Variants in ITGA11 observed in about 807,000 individuals in gnomAD.
ITGA11 encodes the protein integrin alpha-11.
ITGA11 carries 97 observed loss-of-function variants against 141.9 expected under a neutral mutation model. The observed-to-expected ratio is 0.68, with a 90% CI of 0.58 to 0.81. ITGA11 has a LOEUF of 0.81. Ranked by LOEUF, ITGA11 falls within the 30% of genes least tolerant of loss-of-function variation. The pLI is 0.00. For synonymous variants in ITGA11, 658 were observed against 624.6 expected (o/e 1.05, Z -0.80); for missense variants, 1,387 against 1,559.2 (o/e 0.89, Z 1.86).
chr15:68,376,809 C>T (rs1314415448), intron 2 of ITGA11, among the ~76,000 whole-genome samples: 3 of 152,238 alleles, frequency 2.0e-5, no homozygotes, highest in African/African-American at 7.2e-5. Context: ...GTGGTTTCCA[C>T]ACTTGCTGGT....
At chr15:68,418,898 T>C (rs559421159) in intron 1 of ITGA11, among the ~76,000 whole-genome samples, 58 of 151,850 alleles carry the variant, frequency 3.8e-4, no homozygotes, top group African/African-American at 1.4e-3. Flanking sequence ...TTGGGCAAAA[T>C]AAGAGCAAGA....
chr15:68,314,359 A>T (rs892010279), intron 22 of ITGA11, among the ~76,000 whole-genome samples: 1 of 152,176 alleles, frequency 6.6e-6, no homozygotes, highest in African/African-American at 2.4e-5. Context: ...CTCTGCTGCC[A>T]CAAGAAGGCT....
rs147717589 is a variant in ITGA11 at position 68,320,067 on chromosome 15, G to A, written c.2616+118C>T. ...AGCCTCCCAAAGTGCTAGGATTACA[G>A]GCATGAGCCACTGCATCCAGCTTTC... is the stretch of plus-strand genomic sequence containing the variant. On this transcript the variant is annotated intron_variant, in intron 20 of 29. Transcript: ENST00000315757. 40 of 851,618 alleles carry A rather than the reference G, an allele frequency of 4.7e-5. No homozygotes were observed. In the African/African-American group the frequency reaches 6.5e-4, roughly 14 times the overall value. 52.8% of individuals were successfully genotyped at this position (851,618 alleles called of 1,614,324 possible). A position where few individuals can be genotyped will look rare whatever the true frequency, so the allele number is the denominator to read the frequency against.
rs564141621 is a variant in ITGA11, at chr15:68,362,430, A to T, written c.358-726T>A. Among the ~76,000 whole-genome samples the T allele has an allele frequency of 9.2e-5, 14 of 152,290 alleles. No individual in the cohort carries two copies. The South Asian group carries it at 2.7e-3, about 29-fold the overall frequency. On this transcript the variant is annotated intron_variant, in intron 4 of 29. Coordinates refer to ENST00000315757, the MANE Select transcript of ITGA11 (RefSeq NM_001004439.2). Reference sequence around the variant, plus strand: ...CCTTTCTTTAATTACTTTCTTTTTAAGCTCAGATCTTAAAGGTTATGTTTT... The same window carrying T: ...CCTTTCTTTAATTACTTTCTTTTTATGCTCAGATCTTAAAGGTTATGTTTT...
chr15:68,312,890 G>A (rs768675366), intron 23 of ITGA11, 27 bp from the exon 24 acceptor site: 27 of 1,530,210 alleles, frequency 1.8e-5, no homozygotes, highest in South Asian at 1.1e-4. Context: ...CAGGGCTGTC[G>A]TGAGCTCAGT....
intron 10 of ITGA11, among the ~76,000 whole-genome samples, chr15:68,343,048 G>C (rs1894624849): frequency 6.9e-6 from 1 of 144,280 alleles, no homozygotes; most frequent in Admixed American, 6.8e-5. Flanking sequence ...TCTGAACCTT[G>C]AGTTCCTCAG....
At chr15:68,319,679 A>G (rs1893723977) in intron 20 of ITGA11, among the ~76,000 whole-genome samples, 1 of 152,198 alleles carries the variant, frequency 6.6e-6, no homozygotes, top group South Asian at 2.1e-4. Flanking sequence ...TGTTGGTAGA[A>G]CGTGTGGATG....
At position 68,306,309 on chromosome 15, in the gene ITGA11, TTC is replaced by T. The variant is rs151071516; in HGVS notation, c.3381+1037_3381+1038del. ...ACAAGCATCAATGTGAGAAGAAGGG[TTC>T]TCTCTCTCTCTCTCTGTGTGTGTGA... is the stretch of plus-strand genomic sequence containing the variant. On this transcript the variant is annotated intron_variant, in intron 28 of 29. Coordinates refer to ENST00000315757, the MANE Select transcript of ITGA11 (RefSeq NM_001004439.2). Among the ~76,000 whole-genome samples, 228 of 132,692 alleles carry T rather than the reference TTC, an allele frequency of 1.7e-3. 1 individual carries two copies. The highest frequency in any genetic ancestry group is 4.2e-3 in the East Asian group (21 of 5,040). 87.1% of individuals were successfully genotyped at this position (132,692 alleles called of 152,430 possible).
chr15:68,350,796 G>A lies in ITGA11; in HGVS notation c.895-14C>T. On this transcript the variant is annotated splice_polypyrimidine_tract_variant and intron_variant, in intron 8 of 29. Transcript: ENST00000315757. ...GTAGCCCAGGACCTGCCAGGGAACA[G>A]GGGCAGGAACCACAAACCAGAACAT... The A allele has an allele frequency of 6.2e-7, 1 of 1,607,258 alleles. No homozygotes were observed. The highest frequency in any genetic ancestry group is 8.5e-7 in the Non-Finnish European group (1 of 1,176,404).
At chr15:68,393,454 G>A (rs778546084) in intron 2 of ITGA11, among the ~76,000 whole-genome samples, 10 of 151,958 alleles carry the variant, frequency 6.6e-5, no homozygotes, top group Admixed American at 1.3e-4. Context: ...GACATTAAAG[G>A]CAAATAAGAA....
At chr15:68,409,582 G>A (rs545710772) in intron 1 of ITGA11, among the ~76,000 whole-genome samples, 78 of 151,492 alleles carry the variant, frequency 5.1e-4, no homozygotes, top group African/African-American at 1.8e-3. Flanking sequence ...TACCTGATTA[G>A]GTAGGTACTG....
At chr15:68,422,607 C>G (rs1897045825) in intron 1 of ITGA11, among the ~76,000 whole-genome samples, 1 of 152,086 alleles carries the variant, frequency 6.6e-6, no homozygotes, top group South Asian at 2.1e-4. Flanking sequence ...CCTCAAAAAC[C>G]TTCCATGGCT....
chr15:68,406,201 C>A (rs1357666329), intron 1 of ITGA11, among the ~76,000 whole-genome samples: 1 of 152,168 alleles, frequency 6.6e-6, no homozygotes, highest in African/African-American at 2.4e-5. Flanking sequence ...GCCAGAGGGA[C>A]CCTTCCAAGA....
rs112376069 is a variant in ITGA11 at position 68,378,409 on chromosome 15, G to C, written c.165-9125C>G. 9.2e-3 allele frequency among the ~76,000 whole-genome samples: 1,398 copies of C among 152,298 alleles called. 29 individuals are homozygous for C. Among genetic ancestry groups the C allele is most frequent in the African/African-American group, 0.03 (1,258 of 41,544 alleles). On this transcript the variant is annotated intron_variant, in intron 2 of 29. Transcript: ENST00000315757. ...TCTATAATCCCAGCTACTAGGGAAG[G>C]TGAGGCAGGAGCATCAATTGAGACC... is the stretch of plus-strand genomic sequence containing the variant.
chr15:68,407,374 C>G (rs901085081), intron 1 of ITGA11, among the ~76,000 whole-genome samples: 1 of 152,192 alleles, frequency 6.6e-6, no homozygotes, highest in Non-Finnish European at 1.5e-5. Flanking sequence ...CTGACCAAAC[C>G]GAACCAACCA....
chr15:68,411,578 C>T (rs947645529), intron 1 of ITGA11, among the ~76,000 whole-genome samples: 16 of 152,296 alleles, frequency 1.1e-4, no homozygotes, highest in East Asian at 3.9e-4. Flanking sequence ...GGAGGCACAG[C>T]GATCCCGTAA....
At chr15:68,413,095 T>C (rs1195135791) in intron 1 of ITGA11, among the ~76,000 whole-genome samples, 1 of 152,132 alleles carries the variant, frequency 6.6e-6, no homozygotes, top group Non-Finnish European at 1.5e-5. Context: ...ACATGAAAAG[T>C]AGACACAAGA....
intron 16 of ITGA11, 96 bp downstream of exon 16, chr15:68,328,000 G>C: frequency 1.6e-6 from 2 of 1,268,278 alleles, no homozygotes; most frequent in Non-Finnish European, 2.2e-6. Context: ...CTGGCACTTA[G>C]CACCCATTTT....
chr15:68,365,425 G>T, intron 3 of ITGA11: 1 of 717,552 alleles, frequency 1.4e-6, no homozygotes, highest in Non-Finnish European at 1.7e-6. Flanking sequence ...GGAATAGGGA[G>T]AGGGTCAGCT....
Sources: gnomAD v4.1 joint callset for allele counts (sites outside exome capture counted in the v4.1 genomes callset) on GRCh38, gnomAD v4.1.1 for gene constraint, MANE v1.5 for transcripts, NCBI Gene and HGNC (gene_info 2026-07-23, HGNC 2026-07-21) for gene names.